Variants in RP1 observed in about 807,000 individuals in gnomAD.
The protein encoded by RP1 is RP1 axonemal microtubule associated.
In RP1, 16 loss-of-function variants were observed where a neutral mutation model predicts 14.8. The ratio of observed to expected loss-of-function variants is 1.08; its 90% confidence interval spans 0.73 to 1.65. The LOEUF (loss-of-function observed/expected upper bound fraction) is 1.65. Ranked by LOEUF, RP1 falls within the 40% of genes most tolerant of loss-of-function variation. The pLI is 0.00. For synonymous variants in RP1, 876 were observed against 883.6 expected, an observed-to-expected ratio of 0.99 and a Z score of 0.15; for missense variants, 2,631 against 2,535.0, an observed-to-expected ratio of 1.04 and a Z score of -0.81.
intron 15 of RP1, among the ~76,000 whole-genome samples, chr8:54,715,481 G>T (rs1808381166): frequency 6.6e-6 from 1 of 152,192 alleles, no homozygotes. Context: ...TATACTTAGT[G>T]GAGGTTAAAA....
intron 8 of RP1, among the ~76,000 whole-genome samples, chr8:54,675,964 G>A (rs1807286495): frequency 6.6e-6 from 1 of 151,990 alleles, no homozygotes; most frequent in African/African-American, 2.4e-5. Flanking sequence ...GTCTTGGGAG[G>A]GGCTTCTTGC....
At chr8:54,637,378 A>G (rs1299149183) in intron 3 of RP1, among the ~76,000 whole-genome samples, 1 of 152,238 alleles carries the variant, frequency 6.6e-6, no homozygotes, top group Non-Finnish European at 1.5e-5. Flanking sequence ...GTAGACCTGC[A>G]CTGGCAGGCT....
At chr8:54,710,157 T>A (rs1015297978) in intron 15 of RP1, among the ~76,000 whole-genome samples, 4 of 152,198 alleles carry the variant, frequency 2.6e-5, no homozygotes, top group African/African-American at 7.2e-5. Context: ...TCATCCAATA[T>A]GAAAATATTG....
chr8:54,679,484 A>G (rs1585600524), exon 10 of RP1: 2 of 1,535,976 alleles, frequency 1.3e-6, no homozygotes, highest in East Asian at 4.9e-5. Context: ...GGATAACAGT[A>G]TCTTCTCTGC....
chr8:54,755,003 T>A (rs962113269), intron 20 of RP1: 2 of 1,374,264 alleles, frequency 1.5e-6, no homozygotes, highest in African/African-American at 3.0e-5. Context: ...TAAATTTGCT[T>A]CTAAGCTATT....
chr8:54,827,588 G>A (rs574740404), intron 24 of RP1, among the ~76,000 whole-genome samples: 2 of 152,106 alleles, frequency 1.3e-5, no homozygotes, highest in South Asian at 4.1e-4. Flanking sequence ...CCTCAGCCTC[G>A]CAAAGTGCTG....
chr8:54,841,504 G>A (rs1486991339), intron 25 of RP1, among the ~76,000 whole-genome samples: 1 of 152,118 alleles, frequency 6.6e-6, no homozygotes, highest in Non-Finnish European at 1.5e-5. Context: ...AAGGATTGCT[G>A]GAATGTTTTC....
At chr8:54,721,717 G>A (rs1339404946) in intron 16 of RP1, among the ~76,000 whole-genome samples, 1 of 152,140 alleles carries the variant, frequency 6.6e-6, no homozygotes, top group African/African-American at 2.4e-5. Flanking sequence ...CTATTTACTA[G>A]AGGCAACCTC....
In RP1 at chr8:54,721,060, T is replaced by C. The variant is rs572129815; in HGVS notation, c.2389+754T>C. ...GCTTCTATTGGCTTATGAGAGTACA[T>C]GTTTACTGTATGTGTATATATAATA... On this transcript the variant is annotated intron_variant, in intron 16 of 22. Coordinates refer to the RP1 transcript ENST00000636932. Among the ~76,000 whole-genome samples the C allele has an allele frequency of 2.0e-5, 3 of 152,338 alleles. No individual in the cohort carries two copies. The South Asian group carries it at 6.2e-4, about 32-fold the overall frequency.
chr8:54,723,388 T>G (rs1808579762), intron 16 of RP1, among the ~76,000 whole-genome samples: 1 of 152,226 alleles, frequency 6.6e-6, no homozygotes, highest in Admixed American at 6.5e-5. Context: ...TTCCTTTCTC[T>G]GTGATTGATT....
downstream of RP1, among the ~76,000 whole-genome samples, chr8:54,771,998 G>GA (rs959099376): frequency 6.6e-6 from 1 of 151,962 alleles, no homozygotes; most frequent in Non-Finnish European, 1.5e-5. Flanking sequence ...AGGAGAAAAG[G>GA]AAAAAGGACT....
At chr8:54,587,167 A>G (rs1804950007) in intron 1 of RP1, among the ~76,000 whole-genome samples, 1 of 152,206 alleles carries the variant, frequency 6.6e-6, no homozygotes, top group Non-Finnish European at 1.5e-5. Context: ...CTTATGCAGC[A>G]GTCCCAGTGA....
exon 29 of RP1, chr8:54,870,040 C>T: frequency 1.9e-6 from 1 of 518,186 alleles, no homozygotes; most frequent in Non-Finnish European, 3.0e-6. Context: ...GAGCAAACAC[C>T]TGGGGAGGGT....
rs1461440672 is a variant in RP1 at position 54,627,862 on chromosome 8, G to A, written c.3980G>A (p.Cys1327Tyr). 2 of 1,614,142 alleles carry A rather than the reference G, an allele frequency of 1.2e-6. No homozygotes were observed. The highest frequency in any genetic ancestry group is 1.7e-5 in the Admixed American group (1 of 60,026). Reference sequence around the variant, plus strand: ...GAGAACCATACCTATGAGGGAGCTTGCCCAATTGATGAGACCTACGTTCCT... The same window carrying A: ...GAGAACCATACCTATGAGGGAGCTTACCCAATTGATGAGACCTACGTTCCT... ...QKENHTYEGA[C>Y]PIDETYVPVN... Residue 1327 changes from cysteine (C) to tyrosine (Y), a missense_variant, in exon 4 of 4, where the codon TGC becomes TAC. Transcript: ENST00000220676.
chr8:54,810,104 A>G (rs1461931634), intron 24 of RP1, among the ~76,000 whole-genome samples: 3 of 152,224 alleles, frequency 2.0e-5, no homozygotes. Context: ...AGTGAATGCC[A>G]TTAAAATCCC....
At chr8:54,715,811 G>C (rs545016118) in intron 15 of RP1, among the ~76,000 whole-genome samples, 105 of 152,300 alleles carry the variant, frequency 6.9e-4, no homozygotes, top group African/African-American at 2.4e-3. Context: ...GAAACTGCTC[G>C]TCACTAGTGC....
chr8:54,656,102 A>C, exon 6 of RP1: 2 of 1,532,184 alleles, frequency 1.3e-6, no homozygotes, highest in South Asian at 2.4e-5. Flanking sequence ...CATAATATGA[A>C]TTCTGGAAAA....
chr8:54,686,517 C>T (rs1424085743), intron 12 of RP1, among the ~76,000 whole-genome samples: 3 of 151,960 alleles, frequency 2.0e-5, no homozygotes, highest in African/African-American at 7.2e-5. Flanking sequence ...CACTTCTAGG[C>T]AATACTATGC....
At chr8:54,570,050 C>T (rs1163270661) in intron 1 of RP1, among the ~76,000 whole-genome samples, 2 of 152,158 alleles carry the variant, frequency 1.3e-5, no homozygotes, top group Admixed American at 1.3e-4. Context: ...AGCTACATCA[C>T]GAGCCCTGTC....
Sources: allele counts gnomAD v4.1 joint callset (sites outside exome capture counted in the v4.1 genomes callset), GRCh38; gene constraint gnomAD v4.1.1; transcripts MANE v1.5; gene names NCBI Gene and HGNC (gene_info 2026-07-23, HGNC 2026-07-21).